Variants in RGSL1 observed in about 807,000 individuals in gnomAD.
RGSL1 encodes regulator of G protein signaling like 1.
A neutral mutation model predicts 124.7 loss-of-function variants in RGSL1; 97 were observed. That is an observed-to-expected ratio of 0.78 (90% CI 0.66 to 0.92). RGSL1 has a LOEUF of 0.92. Among genes scored for constraint, RGSL1 ranks in the 40% least tolerant of loss-of-function variants. RGSL1 has a pLI of 0.00. For missense variants in RGSL1, 1,233 were observed against 1,288.4 expected, an observed-to-expected ratio of 0.96 and a Z score of 0.66; for synonymous variants, 424 against 438.1, an observed-to-expected ratio of 0.97 and a Z score of 0.40.
At chr1:182,475,616 G>A (rs1221532541) in intron 6 of RGSL1, among the ~76,000 whole-genome samples, 1 of 151,986 alleles carries the variant, frequency 6.6e-6, no homozygotes, top group East Asian at 1.9e-4. Context: ...ATCAGTTGAG[G>A]GATATAACTA....
intron 4 of RGSL1, chr1:182,460,603 C>T (rs1009160409): frequency 4.4e-6 from 2 of 454,432 alleles, no homozygotes; most frequent in Non-Finnish European, 8.8e-6. Context: ...TTTGCTTTTG[C>T]TCTTGCTCTC....
intron 4 of RGSL1, among the ~76,000 whole-genome samples, chr1:182,465,743 G>A (rs963045735): frequency 5.9e-5 from 9 of 152,024 alleles, no homozygotes; most frequent in African/African-American, 2.2e-4. Flanking sequence ...ATTTAAAGAA[G>A]AATTAATACT....
chr1:182,488,725 C>CAA (rs561296385), intron 7 of RGSL1: 2,001 of 100,240 alleles, frequency 0.02, no homozygotes, highest in South Asian at 0.028. Context: ...GACTCCGTCT[C>CAA]AAAAAAAAAA....
chr1:182,514,106 T>A (rs539181579), intron 9 of RGSL1, among the ~76,000 whole-genome samples: 18 of 152,292 alleles, frequency 1.2e-4, no homozygotes, highest in African/African-American at 3.6e-4. Context: ...TTAGCCAGGC[T>A]TGCCTTGAAC....
At chr1:182,546,614 G>A (rs555637916) in intron 15 of RGSL1, among the ~76,000 whole-genome samples, 4 of 152,194 alleles carry the variant, frequency 2.6e-5, no homozygotes, top group East Asian at 1.9e-4. Context: ...GGATGGTCTC[G>A]ATCTCCTGAC....
At chr1:182,497,267 ATGTGTGTG>A (rs368217283) in intron 9 of RGSL1, among the ~76,000 whole-genome samples, 5 of 148,316 alleles carry the variant, frequency 3.4e-5, no homozygotes, top group Non-Finnish European at 6.0e-5. Context: ...GACTGTGTGT[ATGTGTGTG>A]TGTGTGCATG....
At chr1:182,454,476 C>T (rs1652120608) in intron 2 of RGSL1, among the ~76,000 whole-genome samples, 1 of 152,128 alleles carries the variant, frequency 6.6e-6, no homozygotes, top group Non-Finnish European at 1.5e-5. Context: ...CAAATCTCTG[C>T]TTAAATTCCA....
At chr1:182,502,526 T>C (rs1037460807) in intron 9 of RGSL1, among the ~76,000 whole-genome samples, 1 of 152,144 alleles carries the variant, frequency 6.6e-6, no homozygotes, top group Non-Finnish European at 1.5e-5. Flanking sequence ...CAGTGACCTA[T>C]GATCATGCCA....
chr1:182,472,271 C>A, intron 4 of RGSL1, 125 bp from the exon 5 acceptor site: 1 of 879,894 alleles, frequency 1.1e-6, no homozygotes, highest in Non-Finnish European at 1.6e-6. Flanking sequence ...TTGAACCAAT[C>A]ACCAGGAATG....
chr1:182,554,146 A>C (rs1038923096), intron 19 of RGSL1, among the ~76,000 whole-genome samples: 3 of 152,092 alleles, frequency 2.0e-5, no homozygotes, highest in African/African-American at 7.2e-5. Flanking sequence ...TTTCTATCCC[A>C]ACTGCCAGCT....
intron 9 of RGSL1, among the ~76,000 whole-genome samples, chr1:182,505,027 C>T (rs191399080): frequency 1.2e-4 from 19 of 152,102 alleles, no homozygotes; most frequent in African/African-American, 4.3e-4. Flanking sequence ...TTTGAAAACC[C>T]TTATTACCCC....
intron 14 of RGSL1, among the ~76,000 whole-genome samples, chr1:182,535,995 T>C (rs1178672873): frequency 6.6e-6 from 1 of 152,150 alleles, no homozygotes; most frequent in African/African-American, 2.4e-5. Flanking sequence ...TTACTACAGT[T>C]TTATCTTTTA....
At chr1:182,492,609 A>G (rs1420769572) in intron 8 of RGSL1, among the ~76,000 whole-genome samples, 1 of 147,170 alleles carries the variant, frequency 6.8e-6, no homozygotes, top group Non-Finnish European at 1.5e-5. Context: ...TTAAAACACT[A>G]TTGGCCTCTT....
chr1:182,551,173 C>T lies in RGSL1; in HGVS notation c.3007C>T (p.Pro1003Ser). The T allele has an allele frequency of 3.9e-6, 6 of 1,551,700 alleles. No individual in the cohort carries two copies. The highest frequency in any genetic ancestry group is 5.2e-6 in the Non-Finnish European group (6 of 1,146,958). Reference protein sequence around the residue: ...GKKFKDRKSPPKSTDKYPFSS... With the variant: ...GKKFKDRKSPSKSTDKYPFSS... ...GAAGTTCAAGGACAGAAAAAGCCCT[C>T]CTAAATCTACGGACAAGTATCCTTT... The change falls in exon 18 of 22, where the codon CCT becomes TCT. Residue 1003 changes from proline to serine, a missense_variant. Coordinates refer to ENST00000294854, the MANE Select transcript of RGSL1 (RefSeq NM_001137669.2).
intron 15 of RGSL1, among the ~76,000 whole-genome samples, chr1:182,543,410 C>G (rs950082844): frequency 6.6e-6 from 1 of 152,018 alleles, no homozygotes; most frequent in Non-Finnish European, 1.5e-5. Flanking sequence ...CATTAGATCA[C>G]GGTGAATGAT....
chr1:182,528,827 G>A (rs1464487247), intron 11 of RGSL1, among the ~76,000 whole-genome samples: 1 of 152,132 alleles, frequency 6.6e-6, no homozygotes, highest in Non-Finnish European at 1.5e-5. Context: ...GGTAATTTAT[G>A]AAGAAAAGAG....
At chr1:182,510,929 A>T (rs1193857218) in intron 9 of RGSL1, among the ~76,000 whole-genome samples, 1 of 152,006 alleles carries the variant, frequency 6.6e-6, no homozygotes, top group African/African-American at 2.4e-5. Flanking sequence ...AAATATTAGG[A>T]TGTAATCCTA....
intron 8 of RGSL1, among the ~76,000 whole-genome samples, chr1:182,490,411 G>T (rs1473564702): frequency 2.0e-5 from 3 of 152,190 alleles, no homozygotes; most frequent in Admixed American, 6.5e-5. Flanking sequence ...ATTACCAAAA[G>T]AATGTAACAT....
chr1:182,499,823 T>C (rs1212502821), intron 9 of RGSL1, among the ~76,000 whole-genome samples: 1 of 152,192 alleles, frequency 6.6e-6, no homozygotes, highest in Non-Finnish European at 1.5e-5. Context: ...TTCATTTCCA[T>C]ATTTAGCACT....
Sources: gnomAD v4.1 joint callset for allele counts (sites outside exome capture counted in the v4.1 genomes callset) on GRCh38, gnomAD v4.1.1 for gene constraint, MANE v1.5 for transcripts, NCBI Gene and HGNC (gene_info 2026-07-23, HGNC 2026-07-21) for gene names.